The following CHST6 variants were observed in gnomAD, a reference collection of about 807,000 sequenced individuals.
CHST6 encodes carbohydrate sulfotransferase 6, also known as N-acetylglucosamine 6-O-sulfotransferase 5.
For synonymous variants in CHST6, 309 were observed against 276.4 expected (o/e 1.12, Z -1.17); for missense variants, 698 against 586.2 (o/e 1.19, Z -1.97).
rs145662595 is a variant in CHST6 at position 75,493,292 on chromosome 16, C to T, written c.-92+1648G>A. Among the ~76,000 whole-genome samples, 984 of 152,038 alleles carry T rather than the reference C, an allele frequency of 6.5e-3. 14 individuals carry two copies. The highest frequency in any genetic ancestry group is 0.023 in the African/African-American group (945 of 41,462). On this transcript the variant is annotated intron_variant, in intron 1 of 2. Transcript: ENST00000332272. ...TTGCGAGGCTGAGGAGGGCGGATCA[C>T]GAGGTCAGGAGTTTGAGACCAGCCT...
chr16:75,491,165 TAA>T (rs1168619782), intron 1 of CHST6, among the ~76,000 whole-genome samples: 589 of 26,170 alleles, frequency 0.023, 2 homozygotes, highest in Non-Finnish European at 0.035. Context: ...AACTCCGTCT[TAA>T]AAAAAAAAAA....
Position 75,479,597 on chromosome 16 carries a change from T to C in CHST6, c.232A>G (p.Thr78Ala). ...YLMEPAWHVW[T>A]TLSQGSAATL... The stretch of plus-strand genomic sequence containing the variant: ...GCGGCGCTGCCCTGCGACAGGGTGG[T>C]CCACACGTGCCACGCGGGCTCCATT... Residue 78 changes from threonine (T) to alanine (A), a missense_variant, in exon 3 of 3, where the codon ACC becomes GCC. Transcript: ENST00000332272. 6.2e-7 allele frequency: 1 copy of C among 1,612,852 alleles called. No individual in the cohort carries two copies. The highest frequency in any genetic ancestry group is 8.5e-7 in the Non-Finnish European group (1 of 1,179,852).
chr16:75,479,895 C>A, intron 2 of CHST6, 51 bp from the exon 3 acceptor site: 1 of 1,477,942 alleles, frequency 6.8e-7, no homozygotes. Flanking sequence ...ACGCCCATCC[C>A]GTACCCCACT....
chr16:75,482,611 T>A (rs114299088), intron 1 of CHST6, among the ~76,000 whole-genome samples: 1,705 of 152,230 alleles, frequency 0.011, 32 homozygotes, highest in African/African-American at 0.039. Flanking sequence ...GCTTCCCGCA[T>A]TCCAAGGTCC....
In CHST6 at chr16:75,475,082, T is replaced by A. The variant is rs76322770; in HGVS notation, c.*3559A>T. On this transcript the variant is annotated 3_prime_UTR_variant, in exon 3 of 3. Transcript: ENST00000332272. ...AAATGCTGGGATTACAGACATGAGCTACCATGCCTGCGCCCAGAAATAATG... is the reference window on the plus strand; with the variant it reads ...AAATGCTGGGATTACAGACATGAGCAACCATGCCTGCGCCCAGAAATAATG... 1 of 165,678 alleles carries A rather than the reference T, an allele frequency of 6.0e-6. No individual in the cohort carries two copies. Among genetic ancestry groups the A allele is most frequent in the African/African-American group, 2.4e-5 (1 of 42,120 alleles). The allele number at this position is 165,678 out of a possible 1,614,324, so 10.3% of individuals were successfully genotyped here.
In CHST6 at chr16:75,485,830, C is replaced by T. The variant is rs944670113; in HGVS notation, c.-91-3939G>A. On this transcript the variant is annotated intron_variant, in intron 1 of 2. Transcript: ENST00000332272. Reference sequence around the variant, plus strand: ...TGACGGTCAAGGGACCTGATGGTGTCCCAGTGGATGGCCTGGACATCCAGC... The same window carrying T: ...TGACGGTCAAGGGACCTGATGGTGTTCCAGTGGATGGCCTGGACATCCAGC... Among the ~76,000 whole-genome samples, 4 of 150,762 alleles carry T rather than the reference C, an allele frequency of 2.7e-5. No homozygotes were observed. The East Asian group carries it at 7.7e-4, about 29-fold the overall frequency.
Position 75,479,772 on chromosome 16 carries a change from G to A in CHST6, c.57C>T (p.Thr19=), listed in dbSNP as rs1282342010. The change falls in exon 3 of 3, where the codon ACC becomes ACT. Residue 19 remains threonine, a synonymous_variant. Transcript: ENST00000332272. The stretch of plus-strand genomic sequence containing the variant: ...GGGAAACCAGAAAGAGGAGGAGGAA[G>A]GTCTGCGCCAGGAGGAGCGCGGTCA... The part of the protein sequence containing the change: ...TAVTALLLAQ[T]FLLLFLVSRP... 1 of 1,596,860 alleles carries A rather than the reference G, an allele frequency of 6.3e-7. No individual in the cohort carries two copies. The highest frequency in any genetic ancestry group is 1.3e-5 in the African/African-American group (1 of 74,794).
chr16:75,478,495 G>C lies in CHST6; in HGVS notation c.*146C>G, dbSNP rs561102812. On this transcript the variant is annotated 3_prime_UTR_variant, in exon 3 of 3. Coordinates refer to ENST00000332272, the MANE Select transcript of CHST6 (RefSeq NM_021615.5). ...CAAGAATCAAGAGAGAAAGAAACGT[G>C]CAGTCCTTGCCTACTTGGGGAGGGG... 1 of 766,892 alleles carries C rather than the reference G, an allele frequency of 1.3e-6. No homozygotes were observed. The highest frequency in any genetic ancestry group is 1.6e-5 in the South Asian group (1 of 64,020). The allele number at this position is 766,892 out of a possible 1,614,324, so 47.5% of individuals were successfully genotyped here.
At position 75,478,713 on chromosome 16, in the gene CHST6, A is replaced by C. The variant is rs1373503741; in HGVS notation, c.1116T>G (p.Leu372=). 2 of 1,613,622 alleles carry C rather than the reference A, an allele frequency of 1.2e-6. No homozygotes were observed. The highest frequency in any genetic ancestry group is 1.7e-6 in the Non-Finnish European group (2 of 1,180,026). The stretch of plus-strand genomic sequence containing the variant: ...TCAGGCCTCGTGGCAGCACCAGATC[A>C]AGGGCGAGGTTGCGCTGCTCGTCCT... ...YSEDEQRNLA[L]DLVLPRGLNG... The change falls in exon 3 of 3, where the codon CTT becomes CTG. Residue 372 remains leucine, a synonymous_variant. Coordinates refer to ENST00000332272, the MANE Select transcript of CHST6 (RefSeq NM_021615.5).
chr16:75,487,553 C>T (rs909977370), intron 1 of CHST6, among the ~76,000 whole-genome samples: 1 of 152,060 alleles, frequency 6.6e-6, no homozygotes, highest in East Asian at 1.9e-4. Context: ...GTAATCATAG[C>T]ACTTGGGAGG....
chr16:75,485,030 A>G (rs2080180567), intron 1 of CHST6, among the ~76,000 whole-genome samples: 1 of 152,176 alleles, frequency 6.6e-6, no homozygotes, highest in Admixed American at 6.5e-5. Context: ...CCAGCCTTCC[A>G]ACCTCAGAGG....
In CHST6 at chr16:75,473,350, C is replaced by G. The variant is rs537923556; in HGVS notation, c.*5291G>C. ...GCTGGAGCTGGCTGGTCTAGGATGG[C>G]CTGGTTTGGGACCCCTGAACTCTCC... On this transcript the variant is annotated 3_prime_UTR_variant, in exon 3 of 3. Transcript: ENST00000332272. 1.6e-4 allele frequency: 25 copies of G among 152,458 alleles called. No homozygotes were observed. Among genetic ancestry groups the G allele is most frequent in the African/African-American group, 6.0e-4 (25 of 41,540 alleles). The allele number at this position is 152,458 out of a possible 1,614,324, so 9.4% of individuals were successfully genotyped here.
At chr16:75,491,929 C>G (rs543667239) in intron 1 of CHST6, among the ~76,000 whole-genome samples, 14 of 152,342 alleles carry the variant, frequency 9.2e-5, no homozygotes, top group Admixed American at 3.9e-4. Flanking sequence ...CCCATGCACA[C>G]TCTCAACACC....
chr16:75,489,693 T>A (rs1259254315), intron 1 of CHST6, among the ~76,000 whole-genome samples: 1 of 151,984 alleles, frequency 6.6e-6, no homozygotes, highest in Non-Finnish European at 1.5e-5. Flanking sequence ...GTCTACAGAA[T>A]GGGACTTGTA....
intron 1 of CHST6, among the ~76,000 whole-genome samples, chr16:75,482,138 C>T (rs1014799078): frequency 6.6e-6 from 1 of 152,164 alleles, no homozygotes; most frequent in African/African-American, 2.4e-5. Flanking sequence ...GGAGGAACCC[C>T]TCCCCCTGGG....
rs554869089 is a variant in CHST6 at position 75,488,801 on chromosome 16, C to T, written c.-92+6139G>A. On this transcript the variant is annotated intron_variant, in intron 1 of 2. Coordinates refer to ENST00000332272, the MANE Select transcript of CHST6 (RefSeq NM_021615.5). Reference sequence around the variant, plus strand: ...TAATGGGAGGCTGAGGCAGGAGAATCGCTTGAACCCGGGAGGTGGAGGTTG... The same window carrying T: ...TAATGGGAGGCTGAGGCAGGAGAATTGCTTGAACCCGGGAGGTGGAGGTTG... 6.7e-5 allele frequency among the ~76,000 whole-genome samples: 10 copies of T among 148,802 alleles called. No individual in the cohort carries two copies. The East Asian group carries it at 1.0e-3, about 15-fold the overall frequency.
At chr16:75,490,765 G>C (rs2080244689) in intron 1 of CHST6, 1 of 152,008 alleles carries the variant, frequency 6.6e-6, no homozygotes, top group Non-Finnish European at 1.5e-5. Flanking sequence ...ACACACCCTA[G>C]AGAACTGAAC....
chr16:75,479,562 G>A lies in CHST6; in HGVS notation c.267C>T (p.His89=). 6.2e-7 allele frequency: 1 copy of A among 1,613,006 alleles called. No homozygotes were observed. The highest frequency in any genetic ancestry group is 2.2e-5 in the East Asian group (1 of 44,882). ...TLSQGSAATL[H]MAVRDLVRSV... Reference sequence around the variant, plus strand: ...AGCGCACCAGGTCGCGCACAGCCATGTGCAGCGTTGCGGCGCTGCCCTGCG... The same window carrying A: ...AGCGCACCAGGTCGCGCACAGCCATATGCAGCGTTGCGGCGCTGCCCTGCG... Residue 89 remains histidine (H), a synonymous_variant, in exon 3 of 3, where the codon CAC becomes CAT. Transcript: ENST00000332272.
intron 1 of CHST6, among the ~76,000 whole-genome samples, chr16:75,494,522 C>G (rs1207961053): frequency 2.6e-5 from 4 of 152,194 alleles, no homozygotes; most frequent in African/African-American, 4.8e-5. Context: ...CCCAGAGGGC[C>G]TGTCCTGAAG....
Sources: gnomAD v4.1 joint callset for allele counts (sites outside exome capture counted in the v4.1 genomes callset) on GRCh38, gnomAD v4.1.1 for gene constraint, MANE v1.5 for transcripts, NCBI Gene and HGNC (gene_info 2026-07-23, HGNC 2026-07-21) for gene names.